NKAIN3: variants seen among roughly 807,000 people sequenced by gnomAD.
NKAIN3 encodes the protein sodium/potassium transporting ATPase interacting 3, also known as sodium/potassium-transporting ATPase subunit beta-1-interacting protein 3.
In NKAIN3, 25 loss-of-function variants were observed where a neutral mutation model predicts 30.2. The observed-to-expected ratio is 0.83, with a 90% CI of 0.60 to 1.16. The LOEUF (loss-of-function observed/expected upper bound fraction) is 1.16. NKAIN3 is among the 50% of genes most tolerant of loss of function. The pLI, the probability that NKAIN3 is intolerant of heterozygous loss-of-function variation, is 0.00. For synonymous variants in NKAIN3, 91 were observed against 89.6 expected, an observed-to-expected ratio of 1.02 and a Z score of -0.09; for missense variants, 225 against 254.1, an observed-to-expected ratio of 0.89 and a Z score of 0.78.
chr8:62,746,549 T>A (rs574050316), intron 3 of NKAIN3, among the ~76,000 whole-genome samples: 7 of 152,324 alleles, frequency 4.6e-5, no homozygotes, highest in African/African-American at 1.4e-4. Context: ...TACCATGCCA[T>A]AAAAGCATTC....
At chr8:62,335,084 G>A (rs1420548842) in intron 1 of NKAIN3, among the ~76,000 whole-genome samples, 2 of 151,958 alleles carry the variant, frequency 1.3e-5, no homozygotes, top group African/African-American at 4.8e-5. Flanking sequence ...AACTCTCTGT[G>A]GAAAGACTAT....
chr8:62,635,674 G>A (rs1812103756), intron 3 of NKAIN3, among the ~76,000 whole-genome samples: 3 of 152,108 alleles, frequency 2.0e-5, no homozygotes, highest in Admixed American at 2.0e-4. Context: ...AAGATAGAGT[G>A]AGAAGGTGCT....
In NKAIN3 at chr8:62,508,636, A is replaced by C. The variant is rs1231950198; in HGVS notation, c.55-70903A>C. 1.3e-5 allele frequency among the ~76,000 whole-genome samples: 2 copies of C among 152,166 alleles called. 1 individual carries two copies. Among genetic ancestry groups the C allele is most frequent in the Non-Finnish European group, 2.9e-5 (2 of 68,026 alleles). On this transcript the variant is annotated intron_variant, in intron 1 of 6. Transcript: ENST00000623646. ...CATGGCCAGCTCCAAAGTGTTCTTC[A>C]AAGACGACAGAATCAATCTTCTGTA... is the stretch of plus-strand genomic sequence containing the variant.
At chr8:62,887,450 A>G (rs181002048) in intron 4 of NKAIN3, among the ~76,000 whole-genome samples, 14 of 152,198 alleles carry the variant, frequency 9.2e-5, no homozygotes. Flanking sequence ...TGCAAGTATT[A>G]CTTCTGCTCC....
rs143775079 is a variant in NKAIN3, at chr8:62,674,159, C to T, written c.274-72773C>T. Among the ~76,000 whole-genome samples the T allele has an allele frequency of 2.4e-3, 363 of 152,294 alleles. 2 individuals are homozygous for T. The highest frequency in any genetic ancestry group is 8.4e-3 in the African/African-American group (347 of 41,556). ...ACACACAAATGCCTGCAATCTGAAC[C>T]TCCTCCACCTATCGCTCTGGCCACA... On this transcript the variant is annotated intron_variant, in intron 3 of 6. Transcript: ENST00000623646.
At chr8:62,805,411 G>A (rs574559717) in intron 4 of NKAIN3, among the ~76,000 whole-genome samples, 1 of 151,882 alleles carries the variant, frequency 6.6e-6, no homozygotes, top group Non-Finnish European at 1.5e-5. Context: ...ATACTACAAG[G>A]CTACAGTAAC....
At chr8:62,522,961 A>G (rs1489414875) in intron 1 of NKAIN3, among the ~76,000 whole-genome samples, 1 of 152,146 alleles carries the variant, frequency 6.6e-6, no homozygotes, top group African/African-American at 2.4e-5. Flanking sequence ...CCCTAAGTGT[A>G]CAGCATTTAT....
At chr8:62,515,370 A>G (rs554355812) in intron 1 of NKAIN3, among the ~76,000 whole-genome samples, 16 of 152,248 alleles carry the variant, frequency 1.1e-4, no homozygotes, top group African/African-American at 3.8e-4. Context: ...GCAGTTCCAT[A>G]GCATAAACCT....
intron 1 of NKAIN3, among the ~76,000 whole-genome samples, chr8:62,363,471 C>G (rs1816627514): frequency 6.6e-6 from 1 of 152,180 alleles, no homozygotes; most frequent in African/African-American, 2.4e-5. Flanking sequence ...ACACACAGTT[C>G]TTTAATGCTA....
intron 6 of NKAIN3, among the ~76,000 whole-genome samples, chr8:62,959,899 G>A (rs1563646142): frequency 6.6e-6 from 1 of 152,226 alleles, no homozygotes; most frequent in African/African-American, 2.4e-5. Flanking sequence ...TCCCGAAGGA[G>A]AGATGGGCTT....
chr8:62,327,920 C>A (rs890997750), intron 1 of NKAIN3, among the ~76,000 whole-genome samples: 1 of 152,002 alleles, frequency 6.6e-6, no homozygotes, highest in African/African-American at 2.4e-5. Context: ...CATGGGATCT[C>A]TTTCCATTTA....
At chr8:62,308,831 G>C (rs2129588498) in intron 1 of NKAIN3, among the ~76,000 whole-genome samples, 1 of 150,560 alleles carries the variant, frequency 6.6e-6, no homozygotes, top group Non-Finnish European at 1.5e-5. Flanking sequence ...TTTCAGAACT[G>C]CAAAACAACC....
intron 1 of NKAIN3, among the ~76,000 whole-genome samples, chr8:62,322,110 C>G (rs1005519096): frequency 9.9e-5 from 15 of 152,178 alleles, no homozygotes; most frequent in Admixed American, 9.8e-4. Flanking sequence ...GCTCTGTGGG[C>G]GTAGGACCCT....
At chr8:62,954,651 G>T (rs1235036389) in intron 6 of NKAIN3, among the ~76,000 whole-genome samples, 1 of 152,086 alleles carries the variant, frequency 6.6e-6, no homozygotes, top group Non-Finnish European at 1.5e-5. Context: ...AATAGATAGG[G>T]TGACTCCATT....
At chr8:62,292,044 G>T (rs1813657379) in intron 1 of NKAIN3, among the ~76,000 whole-genome samples, 1 of 152,072 alleles carries the variant, frequency 6.6e-6, no homozygotes, top group Non-Finnish European at 1.5e-5. Context: ...TTTTATCAGA[G>T]ACTAGGATTA....
At chr8:62,865,990 A>G (rs934527877) in intron 4 of NKAIN3, among the ~76,000 whole-genome samples, 4 of 152,192 alleles carry the variant, frequency 2.6e-5, no homozygotes, top group African/African-American at 9.7e-5. Context: ...GTTGTAAGAT[A>G]TCATTCTCTA....
At chr8:62,287,133 C>T (rs867160816) in intron 1 of NKAIN3, among the ~76,000 whole-genome samples, 1 of 150,294 alleles carries the variant, frequency 6.7e-6, no homozygotes, top group Non-Finnish European at 1.5e-5. Flanking sequence ...AAGGAATGCC[C>T]CTCTTGTCTG....
chr8:62,274,857 G>A (rs1812885573), intron 1 of NKAIN3, among the ~76,000 whole-genome samples: 1 of 143,004 alleles, frequency 7.0e-6, no homozygotes, highest in Non-Finnish European at 1.5e-5. Flanking sequence ...TTGGTTTTTT[G>A]TCCTTGCGAT....
In NKAIN3 at chr8:62,719,356, G is replaced by C. The variant is rs559606132; in HGVS notation, c.274-27576G>C. 4.9e-4 allele frequency among the ~76,000 whole-genome samples: 74 copies of C among 152,260 alleles called. No individual in the cohort carries two copies. In the Middle Eastern group the frequency reaches 0.02, roughly 42 times the overall value. On this transcript the variant is annotated intron_variant, in intron 3 of 6. Transcript: ENST00000623646. ...CCAGGGAGATATTAGGCATAGAATG[G>C]TCCTCATAATTTTTGTGACCCATTA...
Sources: gnomAD v4.1 joint callset for allele counts (sites outside exome capture counted in the v4.1 genomes callset) on GRCh38, gnomAD v4.1.1 for gene constraint, MANE v1.5 for transcripts, NCBI Gene and HGNC (gene_info 2026-07-23, HGNC 2026-07-21) for gene names.